The following COL22A1 variants were observed in gnomAD, a reference collection of about 807,000 sequenced individuals.
COL22A1 encodes collagen alpha-1(XXII) chain.
In COL22A1, 221 loss-of-function variants were observed where a neutral mutation model predicts 248.9. The observed-to-expected ratio is 0.89, with a 90% confidence interval of 0.80 to 0.99. The LOEUF (loss-of-function observed/expected upper bound fraction) is 0.99, where lower values mean the gene tolerates loss of function less well. Among genes scored for constraint, COL22A1 ranks in the 50% least tolerant of loss-of-function variants. COL22A1 has a pLI of 0.00. For missense variants in COL22A1, 2,240 were observed against 2,179.0 expected (o/e 1.03, Z -0.56); for synonymous variants, 891 against 793.4 (o/e 1.12, Z -2.07).
At chr8:138,626,066 C>T (rs1250583096) in intron 51 of COL22A1, 124 bp downstream of exon 51, 17 of 716,720 alleles carry the variant, frequency 2.4e-5, no homozygotes, top group Non-Finnish European at 3.8e-5. Context: ...TTCTAATTTT[C>T]TACAACACTC....
At chr8:138,845,278 G>GC (rs11424904) in intron 3 of COL22A1, among the ~76,000 whole-genome samples, 1 of 145,472 alleles carries the variant, frequency 6.9e-6, no homozygotes, top group Non-Finnish European at 1.5e-5. Context: ...AGGCCAAGAC[G>GC]GGGGGGGATC....
chr8:138,885,032 A>G (rs72731648), intron 1 of COL22A1, among the ~76,000 whole-genome samples: 39 of 147,318 alleles, frequency 2.6e-4, no homozygotes, highest in African/African-American at 8.9e-4. Context: ...ACACACACAC[A>G]CGCACACACA....
intron 22 of COL22A1, among the ~76,000 whole-genome samples, chr8:138,750,880 A>G (rs548866442): frequency 6.6e-6 from 1 of 152,338 alleles, no homozygotes; most frequent in South Asian, 2.1e-4. Flanking sequence ...TGGAGGGGAT[A>G]GGGGTACAAC....
rs758219176 is a variant in COL22A1, at chr8:138,833,066, C to T, written c.818G>A (p.Gly273Glu). Residue 273 changes from glycine to glutamate, a missense_variant, in exon 5 of 65, where the codon GGA becomes GAA. Physicochemically the swap from Gly to Glu is moderately conservative, Grantham distance 98 (BLOSUM62 -2). Transcript: ENST00000303045. ...AGTACTTTGCACCACAGGGAAGGAT[C>T]CCATCCGTACATAGGAACTCTGAGC... ...NGAQSSYVRMGSFPVVQSTED... is the reference protein window; with the variant it reads ...NGAQSSYVRMESFPVVQSTED... 1 of 1,613,110 alleles carries T rather than the reference C, an allele frequency of 6.2e-7. No homozygotes were observed. Among genetic ancestry groups the T allele is most frequent in the Non-Finnish European group, 8.5e-7 (1 of 1,179,172 alleles).
chr8:138,660,641 C>T (rs1823741319), intron 43 of COL22A1, among the ~76,000 whole-genome samples, 161 bp from the exon 44 acceptor site: 1 of 152,132 alleles, frequency 6.6e-6, no homozygotes, highest in South Asian at 2.1e-4. Context: ...TGCGTGGTTT[C>T]TAATCTCAGC....
At chr8:138,746,104 A>C (rs1234594586) in intron 22 of COL22A1, among the ~76,000 whole-genome samples, 2 of 152,330 alleles carry the variant, frequency 1.3e-5, no homozygotes, top group South Asian at 2.1e-4. Flanking sequence ...ATGTGGAAAA[A>C]TACCAGCTTT....
chr8:138,739,289 A>G (rs1224765421), intron 22 of COL22A1, among the ~76,000 whole-genome samples: 3 of 152,084 alleles, frequency 2.0e-5, no homozygotes, highest in Non-Finnish European at 2.9e-5. Flanking sequence ...TCCACCTTGA[A>G]TCTGCCAAAT....
In COL22A1 at chr8:138,883,134, G is replaced by A. The variant is rs768208144; in HGVS notation, c.39C>T (p.Leu13=). 1.3e-6 allele frequency: 2 copies of A among 1,598,222 alleles called. No individual in the cohort carries two copies. Among genetic ancestry groups the A allele is most frequent in the Non-Finnish European group, 1.7e-6 (2 of 1,173,390 alleles). The part of the protein sequence containing the change: ...GLRGNAVAGL[L]WMLLLWSGGG... ...CCCCACTCCACAGCAGCAGCATCCA[G>A]AGGAGGCCAGCCACAGCGTTCCCTC... Residue 13 remains leucine, a synonymous_variant, in exon 2 of 65, where the codon CTC becomes CTT. Coordinates refer to ENST00000303045, the MANE Select transcript of COL22A1 (RefSeq NM_152888.3).
intron 45 of COL22A1, among the ~76,000 whole-genome samples, chr8:138,652,707 G>T (rs1822849913): frequency 1.7e-5 from 2 of 118,406 alleles, no homozygotes; most frequent in Admixed American, 8.7e-5. Context: ...CCTTCCTTTG[G>T]TCTAAAATAT....
At chr8:138,756,993 G>T (rs892172947) in intron 18 of COL22A1, among the ~76,000 whole-genome samples, 2 of 152,232 alleles carry the variant, frequency 1.3e-5, no homozygotes, top group African/African-American at 4.8e-5. Context: ...CCTCAGAAAC[G>T]CTTCTCTATT....
chr8:138,892,676 C>A (rs549540998), intron 1 of COL22A1, among the ~76,000 whole-genome samples: 80 of 152,366 alleles, frequency 5.3e-4, no homozygotes, highest in Non-Finnish European at 9.3e-4. Context: ...AGCTGAGTTC[C>A]TTCCACAAGC....
At chr8:138,666,340 C>T (rs1321948207) in intron 41 of COL22A1, among the ~76,000 whole-genome samples, 2 of 152,174 alleles carry the variant, frequency 1.3e-5, no homozygotes. Context: ...GGTCTATATG[C>T]CAGGAGTGGT....
At chr8:138,758,332 C>T (rs1833194771) in intron 18 of COL22A1, among the ~76,000 whole-genome samples, 1 of 152,192 alleles carries the variant, frequency 6.6e-6, no homozygotes, top group African/African-American at 2.4e-5. Flanking sequence ...TTCCCAGATT[C>T]CTGCCCTCAG....
At chr8:138,757,304 C>A (rs370354876) in intron 18 of COL22A1, among the ~76,000 whole-genome samples, 68 of 30,624 alleles carry the variant, frequency 2.2e-3, no homozygotes, top group African/African-American at 5.0e-3. Flanking sequence ...CTGAGCTATA[C>A]TATGTGTGTG....
intron 49 of COL22A1, among the ~76,000 whole-genome samples, chr8:138,631,239 C>T (rs1197158182): frequency 6.6e-6 from 1 of 152,188 alleles, no homozygotes; most frequent in Non-Finnish European, 1.5e-5. Context: ...CCTAATATAG[C>T]AACACACAGA....
intron 1 of COL22A1, among the ~76,000 whole-genome samples, chr8:138,896,423 G>T (rs1307721818): frequency 6.6e-6 from 1 of 152,204 alleles, no homozygotes; most frequent in Non-Finnish European, 1.5e-5. Context: ...CATACTAGTT[G>T]ACTCATGCTC....
At chr8:138,838,122 C>A (rs1218789751) in intron 4 of COL22A1, among the ~76,000 whole-genome samples, 1 of 151,446 alleles carries the variant, frequency 6.6e-6, no homozygotes, top group Non-Finnish European at 1.5e-5. Context: ...GGTTCCTGTC[C>A]CTGTTCTCAG....
intron 40 of COL22A1, among the ~76,000 whole-genome samples, chr8:138,678,434 C>T (rs919353546): frequency 1.3e-5 from 2 of 152,110 alleles, no homozygotes; most frequent in African/African-American, 4.8e-5. Flanking sequence ...GCAGTTCCCT[C>T]CTCAAATTTT....
chr8:138,884,755 T>TAA (rs1010633396), intron 1 of COL22A1, among the ~76,000 whole-genome samples: 3 of 152,050 alleles, frequency 2.0e-5, no homozygotes, highest in Admixed American at 1.3e-4. Context: ...TAGCCAAACA[T>TAA]AAAAAACATG....
Sources: allele counts gnomAD v4.1 joint callset (sites outside exome capture counted in the v4.1 genomes callset), GRCh38; gene constraint gnomAD v4.1.1; transcripts MANE v1.5; gene names NCBI Gene and HGNC (gene_info 2026-07-23, HGNC 2026-07-21).